HEATR5B: variants seen among roughly 807,000 people sequenced by gnomAD.
HEATR5B encodes the protein HEAT repeat-containing protein 5B.
In HEATR5B, 156 loss-of-function variants were observed where a neutral mutation model predicts 224.1. The ratio of observed to expected loss-of-function variants is 0.70; its 90% confidence interval spans 0.61 to 0.80. HEATR5B has a LOEUF of 0.80. Ranked by LOEUF, HEATR5B falls within the 30% of genes least tolerant of loss-of-function variation. The probability of loss-of-function intolerance (pLI) is 0.00; values close to 1 mark genes in which losing one functional copy is unlikely to be tolerated. For missense variants in HEATR5B, 2,323 were observed against 2,535.5 expected (o/e 0.92, Z 1.80); for synonymous variants, 1,027 against 893.0 (o/e 1.15, Z -2.68).
chr2:37,058,358 TAA>T (rs1671041475), intron 14 of HEATR5B, 91 bp downstream of exon 14: 1 of 722,642 alleles, frequency 1.4e-6, no homozygotes, highest in Non-Finnish European at 2.5e-6. Flanking sequence ...CTTTGCACAG[TAA>T]GTCAGTGGGA....
intron 18 of HEATR5B, among the ~76,000 whole-genome samples, chr2:37,048,632 A>G (rs988500035): frequency 6.6e-6 from 1 of 152,230 alleles, no homozygotes; most frequent in African/African-American, 2.4e-5. Context: ...CTTTTAATAA[A>G]TATTTAATAA....
chr2:37,059,404 A>ATGTG (rs1553320945), intron 12 of HEATR5B, among the ~76,000 whole-genome samples: 13 of 106,974 alleles, frequency 1.2e-4, no homozygotes, highest in East Asian at 5.9e-4. Flanking sequence ...ATATATATGT[A>ATGTG]TATGTGTGTG....
intron 12 of HEATR5B, among the ~76,000 whole-genome samples, chr2:37,060,010 A>C (rs1671180463): frequency 6.6e-6 from 1 of 152,162 alleles, no homozygotes; most frequent in South Asian, 2.1e-4. Flanking sequence ...CCAAAAAAGA[A>C]CTGGTACATC....
At chr2:37,083,254 G>T in intron 2 of HEATR5B, 35 bp downstream of exon 2, 1 of 1,611,514 alleles carries the variant, frequency 6.2e-7, no homozygotes, top group Non-Finnish European at 8.5e-7. Context: ...ATCTCTTCAC[G>T]TTAATGCAAC....
At chr2:37,029,600 G>A (rs1240116124) in intron 22 of HEATR5B, among the ~76,000 whole-genome samples, 2 of 152,052 alleles carry the variant, frequency 1.3e-5, no homozygotes, top group Non-Finnish European at 2.9e-5. Flanking sequence ...AGAGGCGGAT[G>A]TTGCAGTGAG....
At chr2:37,071,517 G>A (rs1671906371) in intron 6 of HEATR5B, among the ~76,000 whole-genome samples, 1 of 152,088 alleles carries the variant, frequency 6.6e-6, no homozygotes, top group African/African-American at 2.4e-5. Flanking sequence ...ATAAAGTGCT[G>A]AAAATAAGTA....
chr2:37,040,921 T>G, intron 19 of HEATR5B: 1 of 496,756 alleles, frequency 2.0e-6, no homozygotes, highest in East Asian at 3.0e-5. Flanking sequence ...GAAAATATGT[T>G]TGAAGGAATG....
At chr2:37,019,352 C>T (rs1668322025) in intron 26 of HEATR5B, among the ~76,000 whole-genome samples, 1 of 151,792 alleles carries the variant, frequency 6.6e-6, no homozygotes, top group Non-Finnish European at 1.5e-5. Context: ...GTTTTGACCA[C>T]AATGTTTATT....
intron 26 of HEATR5B, among the ~76,000 whole-genome samples, chr2:37,014,701 G>T (rs1250658016): frequency 6.6e-6 from 1 of 151,008 alleles, no homozygotes; most frequent in Non-Finnish European, 1.5e-5. Flanking sequence ...AAAAGAGGCT[G>T]GGCGCAGTGG....
At chr2:37,025,582 G>A (rs1042534257) in intron 24 of HEATR5B, among the ~76,000 whole-genome samples, 21 of 151,250 alleles carry the variant, frequency 1.4e-4, no homozygotes, top group African/African-American at 4.1e-4. Context: ...TGGGAGAAAC[G>A]TAGACAAATT....
At chr2:36,991,394 C>A (rs1666318258) in intron 33 of HEATR5B, among the ~76,000 whole-genome samples, 1 of 150,770 alleles carries the variant, frequency 6.6e-6, no homozygotes, top group Non-Finnish European at 1.5e-5. Context: ...ACTTGGGAGG[C>A]TGAGGCAGGA....
intron 24 of HEATR5B, among the ~76,000 whole-genome samples, chr2:37,026,301 T>C (rs1668769272): frequency 2.0e-5 from 3 of 152,186 alleles, no homozygotes; most frequent in African/African-American, 7.2e-5. Flanking sequence ...GATGCCTTGA[T>C]GTTAGCCCAG....
intron 33 of HEATR5B, among the ~76,000 whole-genome samples, chr2:36,998,435 T>C (rs1444136028): frequency 6.6e-6 from 1 of 152,242 alleles, no homozygotes; most frequent in African/African-American, 2.4e-5. Flanking sequence ...CAGATTATCA[T>C]GCTCTGCTGG....
At chr2:37,005,068 G>A (rs572988594) in intron 30 of HEATR5B, among the ~76,000 whole-genome samples, 30 of 152,100 alleles carry the variant, frequency 2.0e-4, no homozygotes, top group Admixed American at 3.3e-4. Context: ...TCTTTTACAT[G>A]TCATCAAGAA....
chr2:37,080,775 T>G (rs1002999394), intron 2 of HEATR5B, among the ~76,000 whole-genome samples: 1 of 148,040 alleles, frequency 6.8e-6, no homozygotes, highest in African/African-American at 2.5e-5. Flanking sequence ...TATGTACAGA[T>G]TAAAAAAAAA....
intron 26 of HEATR5B, among the ~76,000 whole-genome samples, chr2:37,015,683 A>G (rs939713338): frequency 2.0e-5 from 3 of 152,224 alleles, no homozygotes; most frequent in Non-Finnish European, 2.9e-5. Context: ...GGAGATGAGA[A>G]GTGAGACAGC....
At chr2:37,035,184 C>T (rs1669399996) in intron 21 of HEATR5B, among the ~76,000 whole-genome samples, 1 of 152,164 alleles carries the variant, frequency 6.6e-6, no homozygotes, top group South Asian at 2.1e-4. Context: ...AAGAAACAAA[C>T]CACTTTACAA....
intron 35 of HEATR5B, among the ~76,000 whole-genome samples, chr2:36,984,237 T>TATATATATATAAAA (rs1217602304): frequency 1.8e-5 from 2 of 112,040 alleles, no homozygotes; most frequent in Admixed American, 9.5e-5. Context: ...TATATATATA[T>TATATATATATAAAA]AAAACTGGAA....
chr2:37,006,367 C>T (rs915900303), intron 29 of HEATR5B, among the ~76,000 whole-genome samples: 6 of 152,214 alleles, frequency 3.9e-5, no homozygotes, highest in African/African-American at 1.4e-4. Context: ...GCATCTATAG[C>T]TGGGTGCAGT....
Sources: allele counts gnomAD v4.1 joint callset (sites outside exome capture counted in the v4.1 genomes callset), GRCh38; gene constraint gnomAD v4.1.1; transcripts MANE v1.5; gene names NCBI Gene and HGNC (gene_info 2026-07-23, HGNC 2026-07-21).